DMD: variants seen among roughly 807,000 people sequenced by gnomAD.
The protein encoded by DMD is mutant dystrophin.
DMD carries 63 observed loss-of-function variants against 330.1 expected under a neutral mutation model. The ratio of observed to expected loss-of-function variants is 0.19; its 90% CI spans 0.16 to 0.24. DMD has a LOEUF of 0.24. Among genes scored for constraint, DMD ranks in the 10% least tolerant of loss-of-function variants. DMD has a pLI of 1.00. For missense variants in DMD, 3,344 were observed against 2,684.1 expected, an observed-to-expected ratio of 1.25 and a Z score of -5.43; for synonymous variants, 1,223 against 959.8, an observed-to-expected ratio of 1.27 and a Z score of -5.07.
intron 1 of DMD, among the ~76,000 whole-genome samples, chrX:33,121,888 T>G (rs779367820): frequency 8.9e-6 from 1 of 112,166 alleles, no homozygotes; most frequent in South Asian, 3.7e-4. Flanking sequence ...GTATACTTTA[T>G]TTTTAGTTTG....
At chrX:32,244,635 T>C (rs2097224386) in intron 43 of DMD, among the ~76,000 whole-genome samples, 1 of 90,567 alleles carries the variant, frequency 1.1e-5, no homozygotes, top group Non-Finnish European at 2.1e-5. Context: ...GTTTCCTGAC[T>C]TTTGAATGAT....
intron 1 of DMD, among the ~76,000 whole-genome samples, chrX:33,281,018 C>G (rs1016730957): frequency 8.9e-6 from 1 of 111,771 alleles, no homozygotes; most frequent in Admixed American, 9.5e-5. Flanking sequence ...AATAGATCAA[C>G]TTAGAGAGAA....
chrX:32,975,326 T>A (rs115108530), intron 2 of DMD, among the ~76,000 whole-genome samples: 43,348 of 101,563 alleles, frequency 0.43, 8,029 homozygotes, highest in African/African-American at 0.6. Flanking sequence ...CACATTTTGC[T>A]TTTTAAACTT....
intron 52 of DMD, among the ~76,000 whole-genome samples, chrX:31,681,077 C>T (rs1358524231): frequency 9.0e-6 from 1 of 111,180 alleles, no homozygotes; most frequent in Admixed American, 9.6e-5. Flanking sequence ...CCCTCACATC[C>T]ATAAGAGGCT....
intron 43 of DMD, among the ~76,000 whole-genome samples, chrX:32,251,740 C>T (rs1489033370): frequency 6.3e-5 from 7 of 111,141 alleles, no homozygotes; most frequent in Admixed American, 1.9e-4. Flanking sequence ...GAGGATGAGG[C>T]GGGAGGATTG....
At chrX:32,097,347 G>A (rs1353790948) in intron 44 of DMD, among the ~76,000 whole-genome samples, 4 of 110,888 alleles carry the variant, frequency 3.6e-5, no homozygotes, top group Non-Finnish European at 7.5e-5. Flanking sequence ...GAGAAAATGC[G>A]GTGTCTGTTT....
intron 51 of DMD, among the ~76,000 whole-genome samples, chrX:31,738,244 C>A (rs1362238179): frequency 8.9e-6 from 1 of 111,831 alleles, no homozygotes; most frequent in African/African-American, 3.2e-5. Context: ...AACAGTGGTA[C>A]AAGAAACAAG....
chrX:31,155,320 G>T (rs970247573), intron 74 of DMD, among the ~76,000 whole-genome samples: 8 of 112,693 alleles, frequency 7.1e-5, no homozygotes, highest in African/African-American at 2.6e-4. Context: ...TTATATAGTT[G>T]TATAATGATA....
At chrX:31,701,749 G>A (rs1287200951) in intron 52 of DMD, among the ~76,000 whole-genome samples, 1 of 112,562 alleles carries the variant, frequency 8.9e-6, no homozygotes. Context: ...GCTACTTAAA[G>A]GATGGTTTGT....
intron 59 of DMD, among the ~76,000 whole-genome samples, chrX:31,472,169 T>C (rs2067347376): frequency 8.9e-6 from 1 of 112,495 alleles, no homozygotes; most frequent in Non-Finnish European, 1.9e-5. Context: ...CTCTTCCTAC[T>C]ATAGGCAGTA....
chrX:32,018,829 G>A (rs2095786564), intron 44 of DMD, among the ~76,000 whole-genome samples: 1 of 111,384 alleles, frequency 9.0e-6, no homozygotes, highest in Non-Finnish European at 1.9e-5. Flanking sequence ...AGCATACATT[G>A]TGTACTTATT....
chrX:32,320,133 T>A (rs2097604718), intron 41 of DMD, among the ~76,000 whole-genome samples: 1 of 111,259 alleles, frequency 9.0e-6, no homozygotes, highest in African/African-American at 3.3e-5. Context: ...TAACTTCTGT[T>A]GCCTTGTGGA....
chrX:32,995,864 C>T (rs1468810268), intron 2 of DMD, among the ~76,000 whole-genome samples: 1 of 111,700 alleles, frequency 9.0e-6, no homozygotes, highest in Non-Finnish European at 1.9e-5. Flanking sequence ...TAACTCTGGC[C>T]TTTGATATGG....
At chrX:32,463,010 A>T (rs757885456) in intron 25 of DMD, among the ~76,000 whole-genome samples, 32 of 111,755 alleles carry the variant, frequency 2.9e-4, no homozygotes, top group Non-Finnish European at 5.6e-4. Context: ...CAAACTTGGA[A>T]ATGTTAATCG....
chrX:31,637,868 T>C (rs892128862), intron 54 of DMD, among the ~76,000 whole-genome samples: 2 of 111,867 alleles, frequency 1.8e-5, no homozygotes, highest in African/African-American at 6.5e-5. Context: ...ATAACCAAGA[T>C]GTTTAAAAAT....
chrX:32,684,735 A>C (rs58231103), intron 9 of DMD, among the ~76,000 whole-genome samples: 4,507 of 111,043 alleles, frequency 0.041, 244 homozygotes, highest in African/African-American at 0.14. Context: ...TACATACTTA[A>C]TGATATATGG....
At chrX:33,208,503 C>T (rs1200132411) in intron 1 of DMD, among the ~76,000 whole-genome samples, 1 of 110,803 alleles carries the variant, frequency 9.0e-6, no homozygotes, top group African/African-American at 3.3e-5. Context: ...TCCTTTCTTC[C>T]TGGTTCGTTC....
intron 2 of DMD, among the ~76,000 whole-genome samples, chrX:32,884,016 G>A (rs746552687): frequency 4.6e-5 from 5 of 109,215 alleles, no homozygotes; most frequent in Non-Finnish European, 9.5e-5. Context: ...AGGTTTTCTG[G>A]TTTTGATGTA....
At chrX:32,176,469 G>A (rs768825330) in intron 44 of DMD, among the ~76,000 whole-genome samples, 6 of 111,850 alleles carry the variant, frequency 5.4e-5, no homozygotes, top group Non-Finnish European at 1.1e-4. Flanking sequence ...CTCCTAATAT[G>A]GTTGGGTTGA....
Sources: gnomAD v4.1 joint callset for allele counts (sites outside exome capture counted in the v4.1 genomes callset) on GRCh38, gnomAD v4.1.1 for gene constraint, MANE v1.5 for transcripts, NCBI Gene and HGNC (gene_info 2026-07-23, HGNC 2026-07-21) for gene names.